ATP9B: variants seen among roughly 807,000 people sequenced by gnomAD.
The protein encoded by ATP9B is probable phospholipid-transporting ATPase IIB.
A neutral mutation model predicts 146.1 loss-of-function variants in ATP9B; 110 were observed. That is an observed-to-expected ratio of 0.75 (90% CI 0.65 to 0.88). The LOEUF is 0.88. ATP9B is among the 40% of genes least tolerant of loss of function. The probability of loss-of-function intolerance (pLI) is 0.00; values close to 1 mark genes in which losing one functional copy is unlikely to be tolerated. For synonymous variants in ATP9B, 604 were observed against 569.7 expected (o/e 1.06, Z -0.86); for missense variants, 1,499 against 1,496.4 (o/e 1.00, Z -0.03).
chr18:79,343,412 G>A (rs1380288025), intron 20 of ATP9B, among the ~76,000 whole-genome samples: 1 of 152,100 alleles, frequency 6.6e-6, no homozygotes, highest in East Asian at 1.9e-4. Flanking sequence ...AATCTCCACA[G>A]AAGGAATATG....
At chr18:79,261,587 T>C (rs2096142464) in intron 12 of ATP9B, among the ~76,000 whole-genome samples, 1 of 152,088 alleles carries the variant, frequency 6.6e-6, no homozygotes, top group African/African-American at 2.4e-5. Context: ...GAAACAGCTC[T>C]GCCTGCACCT....
chr18:79,163,039 G>A (rs1320130560), intron 7 of ATP9B, among the ~76,000 whole-genome samples: 1 of 152,148 alleles, frequency 6.6e-6, no homozygotes, highest in Non-Finnish European at 1.5e-5. Flanking sequence ...ATATAAGCAG[G>A]CCAACTTAGT....
Position 79,206,875 on chromosome 18 carries a change from A to T in ATP9B, c.955-62A>T, listed in dbSNP as rs1016262351. The T allele has an allele frequency of 1.2e-5, 18 of 1,488,080 alleles. No individual in the cohort carries two copies. The African/African-American group carries it at 2.1e-4, about 17-fold the overall frequency. 92.2% of individuals were successfully genotyped at this position (1,488,080 alleles called of 1,614,324 possible). Reference sequence around the variant, plus strand: ...GACCTGTTTCTAATACTGAGGTTATATAAGGTGTGAATAATGAACAATCAT... The same window carrying T: ...GACCTGTTTCTAATACTGAGGTTATTTAAGGTGTGAATAATGAACAATCAT... On this transcript the variant is annotated intron_variant, in intron 9 of 29. Coordinates refer to ENST00000426216, the MANE Select transcript of ATP9B (RefSeq NM_198531.5).
At chr18:79,306,022 C>T (rs1237821157) in intron 14 of ATP9B, among the ~76,000 whole-genome samples, 1 of 152,220 alleles carries the variant, frequency 6.6e-6, no homozygotes, top group Non-Finnish European at 1.5e-5. Context: ...AGTTTGCTGT[C>T]TCGCAGCAGC....
At chr18:79,346,791 G>A (rs73973081) in intron 23 of ATP9B, among the ~76,000 whole-genome samples, 6,742 of 152,246 alleles carry the variant, frequency 0.044, 245 homozygotes, top group African/African-American at 0.093. Flanking sequence ...GCACATGCTC[G>A]GTGAATGCGC....
chr18:79,327,435 TCCATGGTTAGTGTGCTCC>T (rs1457330486), intron 15 of ATP9B, among the ~76,000 whole-genome samples: 14 of 152,058 alleles, frequency 9.2e-5, no homozygotes, highest in African/African-American at 3.1e-4. Flanking sequence ...GAGCGTGCTC[TCCATGGTTAGTGTGCTCC>T]CCATGGTTAG....
chr18:79,281,726 T>TA (rs1449276919), intron 13 of ATP9B, among the ~76,000 whole-genome samples: 15 of 151,792 alleles, frequency 9.9e-5, no homozygotes, highest in Admixed American at 6.6e-4. Flanking sequence ...GAGTAGTTTT[T>TA]AAAAAAATCT....
chr18:79,360,842 T>C (rs1439188156), intron 26 of ATP9B: 2 of 152,208 alleles, frequency 1.3e-5, no homozygotes, highest in South Asian at 4.1e-4. Context: ...CTACTATAAC[T>C]AGAAGCAAGA....
At position 79,303,674 on chromosome 18, in the gene ATP9B, G is replaced by C. The variant is rs762673958; in HGVS notation, c.1482G>C (p.Thr494=). 2 of 1,613,956 alleles carry C rather than the reference G, an allele frequency of 1.2e-6. No homozygotes were observed. The highest frequency in any genetic ancestry group is 2.2e-5 in the South Asian group (2 of 91,084). The change falls in exon 14 of 30, where the codon ACG becomes ACC. Residue 494 remains threonine (T), a synonymous_variant. Coordinates refer to ENST00000426216, the MANE Select transcript of ATP9B (RefSeq NM_198531.5). ...GCACCGTGTCCTATGGCGCCGACACGATGGATGAGATCCAGAGCCATGTCA... is the reference window on the plus strand; with the variant it reads ...GCACCGTGTCCTATGGCGCCGACACCATGGATGAGATCCAGAGCCATGTCA... ...HLGTVSYGAD[T]MDEIQSHVRD... is the part of the protein sequence containing the mutation.
chr18:79,244,541 A>G (rs1014846029), intron 11 of ATP9B, among the ~76,000 whole-genome samples: 18 of 152,162 alleles, frequency 1.2e-4, no homozygotes, highest in Non-Finnish European at 4.4e-5. Context: ...CTGACCACAT[A>G]TTTAGTAACT....
In ATP9B at chr18:79,307,156, T is replaced by C. The variant is rs1288120247; in HGVS notation, c.1695T>C (p.Thr565=). ...TGTATGAGTCTCGGGCCGGCGTTAC[T>C]GAGGAGACTGAGTTCGCAGAGGCTG... ...TPVYESRAGV[T]EETEFAEADQ... Residue 565 remains threonine, a synonymous_variant, in exon 15 of 30, where the codon ACT becomes ACC. Transcript: ENST00000426216. 2 of 1,614,118 alleles carry C rather than the reference T, an allele frequency of 1.2e-6. No homozygotes were observed. Among genetic ancestry groups the C allele is most frequent in the African/African-American group, 2.7e-5 (2 of 74,940 alleles).
At chr18:79,342,402 C>A in intron 20 of ATP9B, 36 bp downstream of exon 20, 1 of 1,418,156 alleles carries the variant, frequency 7.1e-7, no homozygotes, top group Non-Finnish European at 9.9e-7. Flanking sequence ...AATTTTTAAA[C>A]ATTTGTCTCA....
chr18:79,369,422 A>G (rs2097055645), intron 26 of ATP9B, among the ~76,000 whole-genome samples: 1 of 151,394 alleles, frequency 6.6e-6, no homozygotes, highest in Non-Finnish European at 1.5e-5. Flanking sequence ...AGTCCCAGCT[A>G]CTCGGGAGGC....
At chr18:79,297,802 A>G (rs1342468778) in intron 13 of ATP9B, among the ~76,000 whole-genome samples, 2 of 113,116 alleles carry the variant, frequency 1.8e-5, no homozygotes, top group Non-Finnish European at 4.0e-5. Context: ...TAATAATTGT[A>G]TCTAATGCTG....
intron 26 of ATP9B, among the ~76,000 whole-genome samples, chr18:79,371,831 C>T (rs1370543569): frequency 6.6e-6 from 1 of 152,190 alleles, no homozygotes; most frequent in African/African-American, 2.4e-5. Flanking sequence ...GAATCTCCCC[C>T]GTGGGTGGGG....
intron 5 of ATP9B, among the ~76,000 whole-genome samples, chr18:79,134,578 G>A (rs1415649677): frequency 1.3e-5 from 2 of 152,202 alleles, no homozygotes; most frequent in East Asian, 3.8e-4. Context: ...CCAGGGGGCT[G>A]CCCTGTGAGA....
chr18:79,297,191 AGAG>A (rs1229513502), intron 13 of ATP9B, among the ~76,000 whole-genome samples: 2 of 151,306 alleles, frequency 1.3e-5, no homozygotes, highest in African/African-American at 4.9e-5. Context: ...GATGACCCAG[AGAG>A]GAGACACAGA....
At chr18:79,169,157 C>A (rs1568321377) in intron 7 of ATP9B, among the ~76,000 whole-genome samples, 1 of 152,034 alleles carries the variant, frequency 6.6e-6, no homozygotes, top group Non-Finnish European at 1.5e-5. Flanking sequence ...GGGCTTCCAC[C>A]CTGTCTCTGG....
chr18:79,294,006 A>G (rs979100968), intron 13 of ATP9B, among the ~76,000 whole-genome samples: 1 of 152,148 alleles, frequency 6.6e-6, no homozygotes, highest in African/African-American at 2.4e-5. Flanking sequence ...GAAGCAAAGT[A>G]TAATAGCATA....
Sources: gnomAD v4.1 joint callset for allele counts (sites outside exome capture counted in the v4.1 genomes callset) on GRCh38, gnomAD v4.1.1 for gene constraint, MANE v1.5 for transcripts, NCBI Gene and HGNC (gene_info 2026-07-23, HGNC 2026-07-21) for gene names.